The following L2HGDH variants were observed in gnomAD, a reference collection of about 807,000 sequenced individuals.
The protein encoded by L2HGDH is L-2-hydroxyglutarate dehydrogenase, also known as L-2-hydroxyglutarate dehydrogenase, mitochondrial.
Under a neutral mutation model 51.5 loss-of-function variants are expected in L2HGDH, and 34 were observed. That is an observed-to-expected ratio of 0.66 (90% CI 0.50 to 0.88). L2HGDH has a LOEUF of 0.88. L2HGDH is among the 40% of genes least tolerant of loss of function. The probability of loss-of-function intolerance (pLI) is 0.00; values close to 1 mark genes in which losing one functional copy is unlikely to be tolerated. For missense variants in L2HGDH, 558 were observed against 571.9 expected (o/e 0.98, Z 0.25); for synonymous variants, 198 against 197.9 (o/e 1.00, Z -0.01).
At chr14:50,311,496 A>G in intron 1 of L2HGDH, 1 of 456,190 alleles carries the variant, frequency 2.2e-6, no homozygotes, top group South Asian at 1.5e-5. Context: ...ATCACAGGAC[A>G]CTGAATTCTG....
chr14:50,292,017 CAAAT>C (rs1254040283), intron 4 of L2HGDH, among the ~76,000 whole-genome samples: 1 of 151,990 alleles, frequency 6.6e-6, no homozygotes, highest in African/African-American at 2.4e-5. Context: ...CTGCAACAAA[CAAAT>C]AAAAAGTGAA....
At chr14:50,293,777 T>A (rs934956939) in intron 4 of L2HGDH, among the ~76,000 whole-genome samples, 1 of 152,204 alleles carries the variant, frequency 6.6e-6, no homozygotes, top group African/African-American at 2.4e-5. Context: ...AAACCCTTTA[T>A]GTGGGCCTAA....
chr14:50,244,400 T>C lies in L2HGDH; in HGVS notation c.*2658A>G. The stretch of plus-strand genomic sequence containing the variant: ...CAAATGGATTGAGGACTGCTTCAAT[T>C]AGGACAATCATTTTTTGTAATTCAA... On this transcript the variant is annotated 3_prime_UTR_variant, in exon 10 of 10. Transcript: ENST00000267436. 1 of 985,380 alleles carries C rather than the reference T, an allele frequency of 1.0e-6. No homozygotes were observed. Among genetic ancestry groups the C allele is most frequent in the Non-Finnish European group, 1.2e-6 (1 of 829,882 alleles). 61.0% of individuals were successfully genotyped at this position (985,380 alleles called of 1,614,324 possible).
chr14:50,276,060 G>A (rs191991377), intron 6 of L2HGDH, among the ~76,000 whole-genome samples: 10 of 152,300 alleles, frequency 6.6e-5, no homozygotes, highest in South Asian at 2.1e-4. Context: ...AAGAAAATGA[G>A]TTGCTACCAC....
Position 50,294,229 on chromosome 14 carries a change from T to C in L2HGDH, c.426A>G (p.Glu142=). The C allele has an allele frequency of 6.2e-7, 1 of 1,613,404 alleles. No homozygotes were observed. Among genetic ancestry groups the C allele is most frequent in the Non-Finnish European group, 8.5e-7 (1 of 1,179,848 alleles). The change falls in exon 4 of 10, where the codon GAA becomes GAG. Residue 142 remains glutamate (E), a synonymous_variant. Coordinates refer to ENST00000267436, the MANE Select transcript of L2HGDH (RefSeq NM_024884.3). ...CCTGAAGTCTGGGAATTTCTTCTTG[T>C]TCAACAGCTACTATAAGCTTCAAAA... ...KQCGKLIVAV[E]QEEIPRLQAL... is the part of the protein sequence containing the mutation.
chr14:50,287,912 G>A (rs895948780), intron 4 of L2HGDH, among the ~76,000 whole-genome samples: 4 of 151,850 alleles, frequency 2.6e-5, no homozygotes, highest in African/African-American at 9.7e-5. Context: ...TTGCCAGGCT[G>A]ATCTCGAATT....
Position 50,243,663 on chromosome 14 carries a change from TTATATA to T in L2HGDH, c.*3389_*3394del, listed in dbSNP as rs35064677. The T allele has an allele frequency of 0.18, 32,479 of 175,724 alleles. 3,135 individuals carry two copies. Among genetic ancestry groups the T allele is most frequent in the Admixed American group, 0.34 (4,752 of 13,980 alleles). The allele number at this position is 175,724 out of a possible 1,614,324, so 10.9% of individuals were successfully genotyped here. On this transcript the variant is annotated 3_prime_UTR_variant, in exon 10 of 10. Coordinates refer to ENST00000267436, the MANE Select transcript of L2HGDH (RefSeq NM_024884.3). ...TTTCATTTTTATTTTTCAGGGTATT[TTATATA>T]TATATATATATATATATTGTTTATT...
chr14:50,267,145 TTTTATTTATTTA>T (rs149075578), intron 8 of L2HGDH, among the ~76,000 whole-genome samples: 1,689 of 143,440 alleles, frequency 0.012, 36 homozygotes, highest in African/African-American at 0.037. Flanking sequence ...TTCTTTTTAT[TTTTATTTATTTA>T]TTTATTTATT....
intron 9 of L2HGDH, among the ~76,000 whole-genome samples, chr14:50,257,124 T>C (rs1888711915): frequency 6.6e-6 from 1 of 152,102 alleles, no homozygotes; most frequent in South Asian, 2.1e-4. Flanking sequence ...AGACGGGGTT[T>C]TGCCATGTTG....
Position 50,244,655 on chromosome 14 carries a change from C to T in L2HGDH, c.*2403G>A, listed in dbSNP as rs1452839452. 1.0e-6 allele frequency: 1 copy of T among 985,246 alleles called. No homozygotes were observed. The highest frequency in any genetic ancestry group is 1.2e-6 in the Non-Finnish European group (1 of 829,922). The allele number at this position is 985,246 out of a possible 1,614,324, so 61.0% of individuals were successfully genotyped here. On this transcript the variant is annotated 3_prime_UTR_variant, in exon 10 of 10. Coordinates refer to ENST00000267436, the MANE Select transcript of L2HGDH (RefSeq NM_024884.3). Reference sequence around the variant, plus strand: ...TTGAATAATGGCCTACTCTGTTTACCTGGGATGTGCTACTTCTTAAACATG... The same window carrying T: ...TTGAATAATGGCCTACTCTGTTTACTTGGGATGTGCTACTTCTTAAACATG...
At position 50,242,678 on chromosome 14, in the gene L2HGDH, T is replaced by C. The variant is rs1887851563; in HGVS notation, c.*4380A>G. 1 of 985,326 alleles carries C rather than the reference T, an allele frequency of 1.0e-6. No individual in the cohort carries two copies. Among genetic ancestry groups the C allele is most frequent in the South Asian group, 4.7e-5 (1 of 21,288 alleles). The allele number at this position is 985,326 out of a possible 1,614,324, so 61.0% of individuals were successfully genotyped here. ...GGCAGCTTTTGCTTTCCCAACCATTTCACCCTGTCCTTCTACCTTAAGCCC... is the reference window on the plus strand; with the variant it reads ...GGCAGCTTTTGCTTTCCCAACCATTCCACCCTGTCCTTCTACCTTAAGCCC... On this transcript the variant is annotated 3_prime_UTR_variant, in exon 10 of 10. Coordinates refer to ENST00000267436, the MANE Select transcript of L2HGDH (RefSeq NM_024884.3).
At position 50,309,734 on chromosome 14, in the gene L2HGDH, G is replaced by A. The variant is rs376978062; in HGVS notation, c.140+2277C>T. Among the ~76,000 whole-genome samples, 516 of 149,698 alleles carry A rather than the reference G, an allele frequency of 3.4e-3. 35 individuals carry two copies. In the South Asian group the frequency reaches 0.1, roughly 30 times the overall value. On this transcript the variant is annotated intron_variant, in intron 1 of 9. Transcript: ENST00000267436. ...GTCTTGCTCTGTTGTCCAGGCTTCA[G>A]CGCGGCGGTGTAATCACAGGTCACC...
intron 1 of L2HGDH, among the ~76,000 whole-genome samples, chr14:50,308,469 G>A (rs141660124): frequency 4.8e-4 from 72 of 150,444 alleles, no homozygotes; most frequent in African/African-American, 1.7e-3. Flanking sequence ...TGGCAAAGAA[G>A]CACATGAAAA....
chr14:50,258,782 G>C (rs1888823379), intron 9 of L2HGDH, among the ~76,000 whole-genome samples: 1 of 151,996 alleles, frequency 6.6e-6, no homozygotes, highest in Non-Finnish European at 1.5e-5. Context: ...CAAAGTGCTA[G>C]GATTGCAGGC....
At chr14:50,285,225 C>T (rs1890503285) in intron 4 of L2HGDH, among the ~76,000 whole-genome samples, 1 of 152,148 alleles carries the variant, frequency 6.6e-6, no homozygotes, top group Non-Finnish European at 1.5e-5. Context: ...CCAGCCTGGG[C>T]AACAGAGTGA....
chr14:50,261,386 T>C (rs1487384553), intron 9 of L2HGDH, among the ~76,000 whole-genome samples: 2 of 152,208 alleles, frequency 1.3e-5, no homozygotes, highest in Admixed American at 6.5e-5. Context: ...TTGTGACATA[T>C]ATGTCTTCGT....
In L2HGDH at chr14:50,302,984, A is replaced by T. The variant is rs2030503401; in HGVS notation, c.174T>A (p.Ile58=). ...SFDIVIVGGG[I]VGLASARALI... ...GTGCTCTGGCAGAGGCAAGCCCCAC[A>T]ATTCCGCCACCAACGATGACTATAT... Residue 58 remains isoleucine (I), a synonymous_variant, in exon 2 of 10, where the codon ATT becomes ATA. Coordinates refer to ENST00000267436, the MANE Select transcript of L2HGDH (RefSeq NM_024884.3). The T allele has an allele frequency of 6.2e-7, 1 of 1,613,664 alleles. No individual in the cohort carries two copies. Among genetic ancestry groups the T allele is most frequent in the Non-Finnish European group, 8.5e-7 (1 of 1,179,676 alleles).
chr14:50,247,049 TTTCA>T lies in L2HGDH; in HGVS notation c.*5_*8del, dbSNP rs1225579361. The T allele has an allele frequency of 3.7e-6, 6 of 1,611,962 alleles. No individual in the cohort carries two copies. Among genetic ancestry groups the T allele is most frequent in the Non-Finnish European group, 5.1e-6 (6 of 1,178,772 alleles). ...AAGATTACAGTGCATACCTAGCTCC[TTTCA>T]TTATTTATAATTCAAATCTTTGTTG... On this transcript the variant is annotated 3_prime_UTR_variant, in exon 10 of 10. Transcript: ENST00000267436.
intron 3 of L2HGDH, among the ~76,000 whole-genome samples, chr14:50,300,980 G>A (rs566729190): frequency 3.9e-5 from 6 of 152,074 alleles, no homozygotes; most frequent in African/African-American, 7.2e-5. Context: ...GTGCACCACC[G>A]CACCCGGCTA....
Sources: gnomAD v4.1 joint callset for allele counts (sites outside exome capture counted in the v4.1 genomes callset) on GRCh38, gnomAD v4.1.1 for gene constraint, MANE v1.5 for transcripts, NCBI Gene and HGNC (gene_info 2026-07-23, HGNC 2026-07-21) for gene names.